Variants in TANGO6 observed in about 807,000 individuals in gnomAD.
TANGO6 encodes the protein transport and golgi organization 6 homolog.
A neutral mutation model predicts 114.2 loss-of-function variants in TANGO6; 90 were observed. The observed-to-expected ratio is 0.79, with a 90% CI of 0.66 to 0.94. The LOEUF is 0.94. Among genes scored for constraint, TANGO6 ranks in the 40% least tolerant of loss-of-function variants. The probability of loss-of-function intolerance (pLI) is 0.00; values close to 1 mark genes in which losing one functional copy is unlikely to be tolerated. For synonymous variants in TANGO6, 477 were observed against 509.8 expected (o/e 0.94, Z 0.87); for missense variants, 1,274 against 1,315.3 (o/e 0.97, Z 0.49).
intron 16 of TANGO6, 147 bp from the exon 17 acceptor site, chr16:69,040,161 C>G (rs1959750520): frequency 1.5e-6 from 1 of 662,108 alleles, no homozygotes. Context: ...AGATCTCACC[C>G]TCTTTGTTGA....
Position 68,849,427 on chromosome 16 carries a change from A to G in TANGO6, c.94+5716A>G, listed in dbSNP as rs367631751. Among the ~76,000 whole-genome samples the G allele has an allele frequency of 3.3e-5, 5 of 152,326 alleles. No individual in the cohort carries two copies. In the East Asian group the frequency reaches 7.7e-4, roughly 23 times the overall value. Reference sequence around the variant, plus strand: ...TGAAGTGGGCAGATTGCTTGAGCCCAGGAGTTCAAGACTACCCTGGGCTAC... The same window carrying G: ...TGAAGTGGGCAGATTGCTTGAGCCCGGGAGTTCAAGACTACCCTGGGCTAC... On this transcript the variant is annotated intron_variant, in intron 1 of 17. Transcript: ENST00000261778.
intron 15 of TANGO6, among the ~76,000 whole-genome samples, chr16:68,977,198 C>T (rs932310099): frequency 2.0e-5 from 3 of 152,028 alleles, no homozygotes; most frequent in Admixed American, 2.0e-4. Flanking sequence ...CTTAATTTTC[C>T]TAATTTCTAG....
chr16:68,946,420 T>C (rs1033063150), intron 14 of TANGO6, among the ~76,000 whole-genome samples: 2 of 151,962 alleles, frequency 1.3e-5, no homozygotes, highest in Admixed American at 6.5e-5. Flanking sequence ...GGTCTTGATC[T>C]CTTGACCTCG....
intron 16 of TANGO6, among the ~76,000 whole-genome samples, chr16:69,039,139 C>T (rs1056869047): frequency 2.6e-5 from 4 of 151,912 alleles, no homozygotes; most frequent in East Asian, 1.9e-4. Context: ...GAGCCAAGAT[C>T]GCGCCACTGC....
At position 68,856,448 on chromosome 16, in the gene TANGO6, A is replaced by G. The variant is rs1285644308; in HGVS notation, c.95-3436A>G. ...ATTCCTGGCATAAACCACACTTGGT[A>G]ATGAAGTATTATTCTTTTCTATATC... On this transcript the variant is annotated intron_variant, in intron 1 of 17. Transcript: ENST00000261778. 2.6e-5 allele frequency among the ~76,000 whole-genome samples: 4 copies of G among 152,234 alleles called. No individual in the cohort carries two copies. In the East Asian group the frequency reaches 7.7e-4, roughly 29 times the overall value.
At chr16:68,943,225 T>G (rs1963373113) in intron 14 of TANGO6, among the ~76,000 whole-genome samples, 1 of 150,858 alleles carries the variant, frequency 6.6e-6, no homozygotes, top group African/African-American at 2.4e-5. Flanking sequence ...ATTCTTATTT[T>G]TATTTTTTAT....
chr16:68,982,794 C>A (rs1009487302), intron 15 of TANGO6, among the ~76,000 whole-genome samples: 4 of 151,744 alleles, frequency 2.6e-5, no homozygotes, highest in African/African-American at 9.7e-5. Flanking sequence ...TCTATTAGAA[C>A]CTTCGTATAT....
At chr16:69,040,995 C>A (rs960014223) in intron 17 of TANGO6, among the ~76,000 whole-genome samples, 1 of 151,910 alleles carries the variant, frequency 6.6e-6, no homozygotes, top group Non-Finnish European at 1.5e-5. Context: ...GAATGAGCGA[C>A]CTCTAAATTA....
intron 17 of TANGO6, among the ~76,000 whole-genome samples, chr16:69,078,654 G>A (rs542290137): frequency 1.3e-5 from 2 of 152,290 alleles, no homozygotes; most frequent in East Asian, 1.9e-4. Context: ...TTAAAGGCAA[G>A]ATCTAGATGT....
chr16:68,953,658 A>G (rs1963496286), intron 14 of TANGO6, among the ~76,000 whole-genome samples: 1 of 152,134 alleles, frequency 6.6e-6, no homozygotes, highest in Admixed American at 6.5e-5. Context: ...GCCGTTCTGT[A>G]GGGAAGATAC....
chr16:69,045,187 AC>A (rs1360783669), intron 17 of TANGO6, among the ~76,000 whole-genome samples: 6 of 143,536 alleles, frequency 4.2e-5, no homozygotes, highest in Admixed American at 2.9e-4. Context: ...GGGCGCGGCG[AC>A]TCACACCTAT....
chr16:68,958,128 G>A (rs889753809), intron 14 of TANGO6, among the ~76,000 whole-genome samples: 4 of 150,178 alleles, frequency 2.7e-5, no homozygotes, highest in Non-Finnish European at 5.9e-5. Context: ...CCAAGACTGC[G>A]CCATTGCACT....
At chr16:68,899,351 C>A (rs1349640292) in intron 7 of TANGO6, among the ~76,000 whole-genome samples, 1 of 152,042 alleles carries the variant, frequency 6.6e-6, no homozygotes. Context: ...TTACTGATTT[C>A]TATATTCACT....
At chr16:69,012,705 G>C (rs950356860) in intron 15 of TANGO6, among the ~76,000 whole-genome samples, 1 of 152,032 alleles carries the variant, frequency 6.6e-6, no homozygotes, top group African/African-American at 2.4e-5. Flanking sequence ...ATGGTGTGGG[G>C]GAATTTGGAA....
At chr16:69,066,189 T>C (rs1960210972) in intron 17 of TANGO6, among the ~76,000 whole-genome samples, 1 of 152,182 alleles carries the variant, frequency 6.6e-6, no homozygotes, top group Admixed American at 6.6e-5. Flanking sequence ...TCACTCGCCT[T>C]CATTTATTCA....
chr16:68,863,383 G>A (rs183234514), intron 3 of TANGO6, among the ~76,000 whole-genome samples: 21 of 152,024 alleles, frequency 1.4e-4, no homozygotes, highest in African/African-American at 5.1e-4. Flanking sequence ...CGAGGTGGGC[G>A]GATCACCTGA....
At chr16:68,926,456 T>C (rs979577945) in intron 12 of TANGO6, among the ~76,000 whole-genome samples, 4 of 150,952 alleles carry the variant, frequency 2.6e-5, no homozygotes, top group Non-Finnish European at 1.5e-5. Flanking sequence ...ATTACGCCAT[T>C]GCACTCCAGC....
chr16:68,895,065 A>G (rs1201885222), intron 7 of TANGO6, among the ~76,000 whole-genome samples: 1 of 152,196 alleles, frequency 6.6e-6, no homozygotes, highest in Non-Finnish European at 1.5e-5. Context: ...TAGAATAGGA[A>G]CAAAAATGCT....
chr16:69,060,864 C>T (rs527853149), intron 17 of TANGO6, among the ~76,000 whole-genome samples: 4 of 151,698 alleles, frequency 2.6e-5, no homozygotes, highest in East Asian at 3.9e-4. Flanking sequence ...TGGTGGCGCA[C>T]GCCTGTGGTC....
Sources: allele counts gnomAD v4.1 joint callset (sites outside exome capture counted in the v4.1 genomes callset), GRCh38; gene constraint gnomAD v4.1.1; transcripts MANE v1.5; gene names NCBI Gene and HGNC (gene_info 2026-07-23, HGNC 2026-07-21).